ACTR3: variants seen among roughly 807,000 people sequenced by gnomAD.
The protein encoded by ACTR3 is actin-related protein 3.
ACTR3 carries 12 observed loss-of-function variants against 56.8 expected under a neutral mutation model. That is an observed-to-expected ratio of 0.21 (90% CI 0.14 to 0.34). The LOEUF is 0.34. Ranked by LOEUF, ACTR3 falls within the 10% of genes least tolerant of loss-of-function variation. The pLI is 1.00. For missense variants in ACTR3, 282 were observed against 512.5 expected (o/e 0.55, Z 4.34); for synonymous variants, 162 against 167.4 (o/e 0.97, Z 0.25).
intron 8 of ACTR3, among the ~76,000 whole-genome samples, chr2:113,945,168 G>A (rs1376124002): frequency 2.0e-5 from 3 of 152,096 alleles, no homozygotes; most frequent in Non-Finnish European, 4.4e-5. Context: ...AAGGTTTTTG[G>A]TGGTACATTT....
intron 1 of ACTR3, among the ~76,000 whole-genome samples, chr2:113,902,552 T>G (rs1483655327): frequency 1.3e-5 from 2 of 152,030 alleles, no homozygotes; most frequent in Non-Finnish European, 2.9e-5. Context: ...AGCTTTTCTA[T>G]ATATTTAACT....
intron 3 of ACTR3, 127 bp downstream of exon 3, chr2:113,917,135 T>G (rs1055026114): frequency 1.3e-6 from 1 of 789,412 alleles, no homozygotes; most frequent in African/African-American, 1.8e-5. Flanking sequence ...TAGAAATTTC[T>G]TTTTCCCTAT....
At chr2:113,941,055 C>A (rs1679915919) in intron 7 of ACTR3, among the ~76,000 whole-genome samples, 1 of 152,034 alleles carries the variant, frequency 6.6e-6, no homozygotes, top group Non-Finnish European at 1.5e-5. Context: ...CTTAAGCAAT[C>A]CTCCTGCTTC....
At chr2:113,919,030 C>T (rs757276796) in intron 3 of ACTR3, among the ~76,000 whole-genome samples, 5 of 152,188 alleles carry the variant, frequency 3.3e-5, no homozygotes, top group Non-Finnish European at 5.9e-5. Context: ...ATGTGCCTAT[C>T]ATACAACTTT....
chr2:113,899,287 G>A (rs1485065060), intron 1 of ACTR3, among the ~76,000 whole-genome samples: 1 of 152,110 alleles, frequency 6.6e-6, no homozygotes, highest in Admixed American at 6.5e-5. Context: ...ATTTGAAAAT[G>A]AATAATCTCC....
intron 6 of ACTR3, among the ~76,000 whole-genome samples, chr2:113,936,099 C>G (rs188200152): frequency 7.9e-5 from 12 of 152,174 alleles, no homozygotes; most frequent in African/African-American, 2.4e-4. Flanking sequence ...TCAAGACCAA[C>G]AGGGCAACAT....
intron 3 of ACTR3, among the ~76,000 whole-genome samples, chr2:113,919,736 T>C (rs1191891931): frequency 6.9e-6 from 1 of 144,664 alleles, no homozygotes; most frequent in African/African-American, 2.9e-5. Flanking sequence ...AGGAAAAACA[T>C]CTAAAAATTA....
intron 1 of ACTR3, among the ~76,000 whole-genome samples, chr2:113,907,062 C>G (rs2104588094): frequency 6.6e-6 from 1 of 152,100 alleles, no homozygotes; most frequent in African/African-American, 2.4e-5. Flanking sequence ...GAAAGTTTGT[C>G]CCAAGTCTGA....
chr2:113,934,139 A>T (rs1183478141), intron 5 of ACTR3, 140 bp from the exon 6 acceptor site: 11 of 606,386 alleles, frequency 1.8e-5, no homozygotes, highest in Non-Finnish European at 3.1e-5. Context: ...AATTAATTTT[A>T]TGTATTTTCT....
At chr2:113,914,679 G>A (rs1032331019) in intron 2 of ACTR3, among the ~76,000 whole-genome samples, 95 of 151,550 alleles carry the variant, frequency 6.3e-4, no homozygotes, top group African/African-American at 2.2e-3. Flanking sequence ...CACCTAAAAG[G>A]GGAAATGGTT....
chr2:113,955,920 C>T (rs1303640432), intron 11 of ACTR3, among the ~76,000 whole-genome samples: 2 of 151,850 alleles, frequency 1.3e-5, no homozygotes, highest in African/African-American at 4.8e-5. Context: ...GCTAATTTTG[C>T]ATTTTTAGCA....
chr2:113,937,036 T>C (rs1679840882), intron 6 of ACTR3, among the ~76,000 whole-genome samples: 1 of 152,152 alleles, frequency 6.6e-6, no homozygotes, highest in African/African-American at 2.4e-5. Flanking sequence ...AGATAGAGCT[T>C]AGGACTTCAG....
In ACTR3 at chr2:113,960,397, G is replaced by A. The variant is rs1276826344; in HGVS notation, c.*2942G>A. The stretch of plus-strand genomic sequence containing the variant: ...TTAAAAGATTAAAATAACTATTCTT[G>A]CAGATATTTCTAGGAATATTTTTAG... On this transcript the variant is annotated 3_prime_UTR_variant, in exon 12 of 12. Coordinates refer to ENST00000263238, the MANE Select transcript of ACTR3 (RefSeq NM_005721.5). 6.6e-6 allele frequency: 1 copy of A among 151,866 alleles called. No homozygotes were observed. The highest frequency in any genetic ancestry group is 2.4e-5 in the African/African-American group (1 of 41,370). The allele number at this position is 151,866 out of a possible 1,614,324, so 9.4% of individuals were successfully genotyped here.
chr2:113,916,315 AG>A (rs1348464258), intron 2 of ACTR3, among the ~76,000 whole-genome samples: 1 of 152,158 alleles, frequency 6.6e-6, no homozygotes, highest in East Asian at 1.9e-4. Context: ...CAATTATTTA[AG>A]GATATTGTTG....
chr2:113,947,853 A>G (rs6729412), intron 8 of ACTR3, among the ~76,000 whole-genome samples: 26,662 of 152,010 alleles, frequency 0.18, 4,183 homozygotes, highest in African/African-American at 0.4. Context: ...TCTGTTGTCT[A>G]TAGCTTTATG....
At chr2:113,940,422 C>T (rs1679903009) in intron 7 of ACTR3, among the ~76,000 whole-genome samples, 1 of 152,028 alleles carries the variant, frequency 6.6e-6, no homozygotes, top group Non-Finnish European at 1.5e-5. Flanking sequence ...GTCCTTGCAT[C>T]TCAGTTTCTT....
In ACTR3 at chr2:113,912,453, G is replaced by T. The variant is rs140128624; in HGVS notation, c.45-719G>T. On this transcript the variant is annotated intron_variant, in intron 1 of 11. Transcript: ENST00000263238. ...CCTTATTTATGTTGTTATTTTGTTA[G>T]AAGAATGTAGGCCAAGTCTACTGTG... 3.2e-3 allele frequency among the ~76,000 whole-genome samples: 484 copies of T among 152,182 alleles called. 2 individuals are homozygous for T. The highest frequency in any genetic ancestry group is 0.01 in the Middle Eastern group (3 of 290).
chr2:113,921,294 A>G (rs1185604645), intron 3 of ACTR3, among the ~76,000 whole-genome samples: 1 of 130,150 alleles, frequency 7.7e-6, no homozygotes, highest in African/African-American at 2.9e-5. Flanking sequence ...TATTTAGATT[A>G]TTTGCCCTTT....
At chr2:113,901,273 G>A (rs974497785) in intron 1 of ACTR3, among the ~76,000 whole-genome samples, 3 of 152,212 alleles carry the variant, frequency 2.0e-5, no homozygotes, top group Non-Finnish European at 2.9e-5. Flanking sequence ...CAGGAGAATC[G>A]CTTGAACCTG....
Sources: gnomAD v4.1 joint callset for allele counts (sites outside exome capture counted in the v4.1 genomes callset) on GRCh38, gnomAD v4.1.1 for gene constraint, MANE v1.5 for transcripts, NCBI Gene and HGNC (gene_info 2026-07-23, HGNC 2026-07-21) for gene names.